The following CCDC137 variants were observed in gnomAD, a reference collection of about 807,000 sequenced individuals.
CCDC137 encodes the protein coiled-coil domain containing 137, also known as coiled-coil domain-containing protein 137.
In CCDC137, 24 loss-of-function variants were observed where a neutral mutation model predicts 30.4. That is an observed-to-expected ratio of 0.79 (90% CI 0.57 to 1.11). The LOEUF (loss-of-function observed/expected upper bound fraction) is 1.11. CCDC137 is among the 50% of genes least tolerant of loss of function. The pLI, the probability that CCDC137 is intolerant of heterozygous loss-of-function variation, is 0.00. For missense variants in CCDC137, 417 were observed against 380.4 expected, an observed-to-expected ratio of 1.10 and a Z score of -0.80; for synonymous variants, 182 against 155.7, an observed-to-expected ratio of 1.17 and a Z score of -1.26.
In CCDC137 at chr17:81,671,725, C is replaced by T. The variant is rs760576153; in HGVS notation, c.498-19C>T. On this transcript the variant is annotated intron_variant, in intron 3 of 5. Transcript: ENST00000329214. ...AAAGAGAATTTAGGAATCTGAGTGACATGTGCTTTCTTCCCCAGGTTCCAG... is the reference window on the plus strand; with the variant it reads ...AAAGAGAATTTAGGAATCTGAGTGATATGTGCTTTCTTCCCCAGGTTCCAG... 3 of 1,611,450 alleles carry T rather than the reference C, an allele frequency of 1.9e-6. No homozygotes were observed. The highest frequency in any genetic ancestry group is 2.2e-5 in the South Asian group (2 of 90,872).
At position 81,671,794 on chromosome 17, in the gene CCDC137, C is replaced by A; in HGVS notation, c.548C>A (p.Ala183Glu). ...GTCCGACGGAAAAAGGAGGAAAAGG[C>A]GGCAGACAGGCTGGAGCAGGAGTTG... ...DKVRRKKEEK[A>E]ADRLEQELLR... Residue 183 changes from alanine (A) to glutamate (E), a missense_variant, in exon 4 of 6, where the codon GCG (alanine) becomes GAG (glutamate). By Grantham distance (107) the Ala-to-Glu change is moderately radical (BLOSUM62 -1). Transcript: ENST00000329214. 2 of 1,613,142 alleles carry A rather than the reference C, an allele frequency of 1.2e-6. No homozygotes were observed. Among genetic ancestry groups the A allele is most frequent in the Non-Finnish European group, 1.7e-6 (2 of 1,179,814 alleles).
At chr17:81,669,638 C>G (rs2036694402) in intron 2 of CCDC137, among the ~76,000 whole-genome samples, 1 of 151,952 alleles carries the variant, frequency 6.6e-6, no homozygotes, top group Non-Finnish European at 1.5e-5. Context: ...CGGCTCACTG[C>G]AAGCTCCGCC....
intron 1 of CCDC137, 73 bp downstream of exon 1, chr17:81,666,973 C>A: frequency 4.9e-6 from 6 of 1,235,220 alleles, no homozygotes; most frequent in Middle Eastern, 3.1e-4. Context: ...CGCCCGGGAC[C>A]CCCTAGGGAG....
Position 81,672,755 on chromosome 17 carries a change from G to A in CCDC137, c.*51G>A. 1 of 1,478,296 alleles carries A rather than the reference G, an allele frequency of 6.8e-7. No homozygotes were observed. Among genetic ancestry groups the A allele is most frequent in the South Asian group, 1.3e-5 (1 of 76,158 alleles). 91.6% of individuals were successfully genotyped at this position (1,478,296 alleles called of 1,614,324 possible). ...CGCTCTGGGGCAACTGGCACCAGGA[G>A]CTGCTACACCTGGGTAGGAGAGAGG... On this transcript the variant is annotated 3_prime_UTR_variant, in exon 6 of 6. Coordinates refer to ENST00000329214, the MANE Select transcript of CCDC137 (RefSeq NM_199287.3).
chr17:81,672,262 T>C (rs1037371975), intron 5 of CCDC137, 107 bp downstream of exon 5: 22 of 1,207,086 alleles, frequency 1.8e-5, no homozygotes, highest in Non-Finnish European at 2.5e-5. Flanking sequence ...CCCAGCACAT[T>C]GGGAGGCCAA....
Position 81,673,814 on chromosome 17 carries a change from A to C in CCDC137, c.*1110A>C, listed in dbSNP as rs878861062. 2 of 152,190 alleles carry C rather than the reference A, an allele frequency of 1.3e-5. No homozygotes were observed. The highest frequency in any genetic ancestry group is 1.3e-4 in the Admixed American group (2 of 15,280). 9.4% of individuals were successfully genotyped at this position (152,190 alleles called of 1,614,324 possible). A position where few individuals can be genotyped will look rare whatever the true frequency, so the allele number is the denominator to read the frequency against. ...TGCCCGGCCGCTGTGCAACCTTCCA[A>C]GTGTGAAGTGACAGCCTTGTGTGTG... On this transcript the variant is annotated 3_prime_UTR_variant, in exon 6 of 6. Transcript: ENST00000329214.
intron 2 of CCDC137, among the ~76,000 whole-genome samples, chr17:81,669,685 G>T (rs964402697): frequency 2.0e-5 from 3 of 151,940 alleles, no homozygotes; most frequent in Non-Finnish European, 4.4e-5. Flanking sequence ...TCAGCCTCCC[G>T]AGTAGTTGGG....
Position 81,667,026 on chromosome 17 carries a change from CTCT to C in CCDC137, c.134+127_134+129del, listed in dbSNP as rs1598731401. The C allele has an allele frequency of 2.4e-5, 24 of 1,017,224 alleles. No homozygotes were observed. The East Asian group carries it at 7.5e-4, about 32-fold the overall frequency. 63.0% of individuals were successfully genotyped at this position (1,017,224 alleles called of 1,614,324 possible). On this transcript the variant is annotated intron_variant, in intron 1 of 5. Transcript: ENST00000329214. ...TCCCCAGGTCGGGCTCAGTGCCCTCCTCTGTCTGTGCCCGCGGCCCACGCTCCG... is the reference window on the plus strand; with the variant it reads ...TCCCCAGGTCGGGCTCAGTGCCCTCCGTCTGTGCCCGCGGCCCACGCTCCG...
At position 81,670,474 on chromosome 17, in the gene CCDC137, G is replaced by A. The variant is rs775115136; in HGVS notation, c.497+21G>A. Reference sequence around the variant, plus strand: ...AAAGCGTGAGTGGAGGCGGGAGGGGGAGGGGTCTGCCCTGGGAGCCGGAGG... The same window carrying A: ...AAAGCGTGAGTGGAGGCGGGAGGGGAAGGGGTCTGCCCTGGGAGCCGGAGG... On this transcript the variant is annotated intron_variant, in intron 3 of 5. Transcript: ENST00000329214. 6 of 1,599,414 alleles carry A rather than the reference G, an allele frequency of 3.8e-6. No homozygotes were observed. In the East Asian group the frequency reaches 8.9e-5, roughly 24 times the overall value.
At chr17:81,668,294 T>C (rs1315029951) in intron 2 of CCDC137, among the ~76,000 whole-genome samples, 2 of 151,538 alleles carry the variant, frequency 1.3e-5, no homozygotes, top group Non-Finnish European at 2.9e-5. Context: ...GGGACAAGAG[T>C]GCTGAAGCAA....
chr17:81,667,963 A>C, intron 2 of CCDC137, 101 bp downstream of exon 2: 1 of 1,393,142 alleles, frequency 7.2e-7, no homozygotes, highest in Non-Finnish European at 9.6e-7. Context: ...GAAATATGCC[A>C]AGACCCGGTG....
In CCDC137 at chr17:81,670,285, C is replaced by CAGT. The variant is rs2036701490; in HGVS notation, c.330_332dup (p.Val111dup). 6 of 1,613,936 alleles carry CAGT rather than the reference C, an allele frequency of 3.7e-6. No individual in the cohort carries two copies. Among genetic ancestry groups the CAGT allele is most frequent in the Non-Finnish European group, 5.1e-6 (6 of 1,180,036 alleles). ...GCAAAGGGAGAGGAGCCCGACATCG[C>CAGT]AGTCCCCAAGTTCAAACAGAGGAAG... On this transcript the variant is annotated inframe_insertion, in exon 3 of 6. Transcript: ENST00000329214.
In CCDC137 at chr17:81,667,804, T is replaced by C. The variant is rs1252622028; in HGVS notation, c.210T>C (p.Ile70=). The C allele has an allele frequency of 2.5e-6, 4 of 1,612,724 alleles. No homozygotes were observed. The highest frequency in any genetic ancestry group is 3.4e-6 in the Non-Finnish European group (4 of 1,179,960). Residue 70 remains isoleucine (I), a synonymous_variant, in exon 2 of 6, where the codon ATT becomes ATC. Coordinates refer to ENST00000329214, the MANE Select transcript of CCDC137 (RefSeq NM_199287.3). ...AGATTCCTTTCCGGCTCCGGGAGAT[T>C]ATGAGGAGCCGCCAAGAGATGAAAA... The part of the protein sequence containing the change: ...EQEIPFRLRE[I]MRSRQEMKNP...
intron 2 of CCDC137, among the ~76,000 whole-genome samples, chr17:81,669,763 G>A (rs1461611543): frequency 2.6e-5 from 4 of 151,710 alleles, no homozygotes; most frequent in Non-Finnish European, 5.9e-5. Flanking sequence ...GGGTTTCACC[G>A]TGTTAGCCAG....
chr17:81,668,796 G>A (rs900044519), intron 2 of CCDC137, among the ~76,000 whole-genome samples: 8 of 152,088 alleles, frequency 5.3e-5, no homozygotes. Context: ...CACCTCCTGG[G>A]TTTAAGCAGT....
At chr17:81,670,971 C>CA (rs886995926) in intron 3 of CCDC137, among the ~76,000 whole-genome samples, 97 of 144,662 alleles carry the variant, frequency 6.7e-4, no homozygotes, top group Middle Eastern at 3.6e-3. Flanking sequence ...TAATAAAATA[C>CA]AAAAAAAAAA....
chr17:81,669,310 T>C (rs1192159019), intron 2 of CCDC137, among the ~76,000 whole-genome samples: 1 of 150,706 alleles, frequency 6.6e-6, no homozygotes, highest in Non-Finnish European at 1.5e-5. Flanking sequence ...CATGCCCGGC[T>C]CGTTTTTGTA....
chr17:81,671,056 C>T (rs1244393970), intron 3 of CCDC137, among the ~76,000 whole-genome samples: 1 of 151,108 alleles, frequency 6.6e-6, no homozygotes, highest in East Asian at 1.9e-4. Context: ...CGCTTGAATC[C>T]GGGAGGCAGA....
intron 2 of CCDC137, among the ~76,000 whole-genome samples, chr17:81,669,199 T>C (rs1386329190): frequency 2.7e-5 from 4 of 150,424 alleles, no homozygotes; most frequent in Non-Finnish European, 3.0e-5. Context: ...CTTTTTTTTT[T>C]TGGAGACAGA....
Sources: allele counts gnomAD v4.1 joint callset (sites outside exome capture counted in the v4.1 genomes callset), GRCh38; gene constraint gnomAD v4.1.1; transcripts MANE v1.5; gene names NCBI Gene and HGNC (gene_info 2026-07-23, HGNC 2026-07-21).